NEMP1: variants seen among roughly 807,000 people sequenced by gnomAD.
NEMP1 encodes the protein nuclear envelope integral membrane protein 1, also known as transmembrane protein 194.
Under a neutral mutation model 53.7 loss-of-function variants are expected in NEMP1, and 29 were observed. That is an observed-to-expected ratio of 0.54 (90% CI 0.40 to 0.74). The LOEUF (loss-of-function observed/expected upper bound fraction) is 0.74, where lower values mean the gene tolerates loss of function less well. NEMP1 is among the 30% of genes least tolerant of loss of function. The probability of loss-of-function intolerance (pLI) is 0.00; values close to 1 mark genes in which losing one functional copy is unlikely to be tolerated. For missense variants in NEMP1, 477 were observed against 528.6 expected, an observed-to-expected ratio of 0.90 and a Z score of 0.96; for synonymous variants, 193 against 192.9, an observed-to-expected ratio of 1.00 and a Z score of 0.00.
rs748757696 is a variant in NEMP1, at chr12:57,064,095, T to A, written c.730A>T (p.Arg244Trp). 3.1e-6 allele frequency: 5 copies of A among 1,608,368 alleles called. No homozygotes were observed. The South Asian group carries it at 5.5e-5, about 18-fold the overall frequency. Residue 244 changes from arginine to tryptophan, a missense_variant, in exon 6 of 9, where the codon AGG becomes TGG. Transcript: ENST00000300128. ...CTTAAAAGATACTGCCAGTAACACC[T>A]CCAGATCTCTTGTAAATTTTTAAAA... Reference protein sequence around the residue: ...LVFKNLQEIWRCYWQYLLSYV... With the variant: ...LVFKNLQEIWWCYWQYLLSYV...
chr12:57,084,441 C>T (rs1158037590), intron 1 of NEMP1, among the ~76,000 whole-genome samples: 1 of 152,108 alleles, frequency 6.6e-6, no homozygotes, highest in Non-Finnish European at 1.5e-5. Flanking sequence ...TCCTCTCAAC[C>T]CCTCAGCCAA....
In NEMP1 at chr12:57,070,839, T is replaced by C. The variant is rs1435053073; in HGVS notation, c.307A>G (p.Lys103Glu). The C allele has an allele frequency of 1.9e-6, 3 of 1,614,134 alleles. No individual in the cohort carries two copies. The highest frequency in any genetic ancestry group is 2.5e-6 in the Non-Finnish European group (3 of 1,180,016). The change falls in exon 3 of 9, where the codon AAA (lysine) becomes GAA (glutamate). Residue 103 changes from lysine to glutamate, a missense_variant. Transcript: ENST00000300128. The stretch of plus-strand genomic sequence containing the variant: ...CTAAACTGCTCTAGCTCCTTCAGTT[T>C]CTCCTCATTCTCCACCTGGGTGACT... Reference protein sequence around the residue: ...VRVTQVENEEKLKELEQFSIW... With the variant: ...VRVTQVENEEELKELEQFSIW...
Position 57,064,071 on chromosome 12 carries a change from T to C in NEMP1, c.754A>G (p.Ser252Gly), listed in dbSNP as rs200826762. The change falls in exon 6 of 9, where the codon AGT (serine) becomes GGT (glycine). Residue 252 changes from serine (S) to glycine (G), a missense_variant and splice_region_variant. Physicochemically the swap from Ser to Gly is moderately conservative, Grantham distance 56. Coordinates refer to ENST00000300128, the MANE Select transcript of NEMP1 (RefSeq NM_001130963.2). ...GGAAAGCAAAACCGACAACACTTAC[T>C]TAAAAGATACTGCCAGTAACACCTC... ...IWRCYWQYLL[S>G]YVLTVGFMSF... 6.3e-7 allele frequency: 1 copy of C among 1,576,442 alleles called. No individual in the cohort carries two copies. The highest frequency in any genetic ancestry group is 8.7e-7 in the Non-Finnish European group (1 of 1,152,352).
chr12:57,076,875 G>C (rs1486539481), intron 1 of NEMP1, among the ~76,000 whole-genome samples: 1 of 142,232 alleles, frequency 7.0e-6, no homozygotes, highest in Non-Finnish European at 1.5e-5. Flanking sequence ...GCTGAGATGG[G>C]AGAATGGCTT....
At chr12:57,079,617 G>A (rs988677696), upstream of NEMP1, among the ~76,000 whole-genome samples, 2 of 152,286 alleles carry the variant, frequency 1.3e-5, no homozygotes, top group African/African-American at 4.8e-5. Flanking sequence ...AGATCCAGGT[G>A]TTCAGAAACT....
intron 3 of NEMP1, among the ~76,000 whole-genome samples, chr12:57,069,659 C>G (rs566202802): frequency 6.6e-6 from 1 of 152,068 alleles, no homozygotes; most frequent in Admixed American, 6.6e-5. Flanking sequence ...AAGTCACTCA[C>G]AGTCATGGAA....
Position 57,072,876 on chromosome 12 carries a change from G to T in NEMP1, c.164C>A (p.Ser55Tyr), listed in dbSNP as rs1293805725. Reference sequence around the variant, plus strand: ...GCTGGCACGCTTTTCACAAACTTGGGATTCCTGAAGCATGACCACATTTAC... The same window carrying T: ...GCTGGCACGCTTTTCACAAACTTGGTATTCCTGAAGCATGACCACATTTAC... Reference protein sequence around the residue: ...TDVNVVMLQESQVCEKRASQQ... With the variant: ...TDVNVVMLQEYQVCEKRASQQ... The change falls in exon 2 of 9, where the codon TCC becomes TAC. Residue 55 changes from serine (S) to tyrosine (Y), a missense_variant. Transcript: ENST00000300128. 1 of 1,613,446 alleles carries T rather than the reference G, an allele frequency of 6.2e-7. No individual in the cohort carries two copies. Among genetic ancestry groups the T allele is most frequent in the Non-Finnish European group, 8.5e-7 (1 of 1,179,784 alleles).
At chr12:57,061,053 A>G (rs969340370) in intron 7 of NEMP1, 108 bp from the exon 8 acceptor site, 3 of 1,123,064 alleles carry the variant, frequency 2.7e-6, no homozygotes, top group Non-Finnish European at 2.5e-6. Context: ...CCTGAACATT[A>G]AGAGTCATCA....
intron 1 of NEMP1, 114 bp downstream of exon 1, chr12:57,078,505 C>A (rs919151394): frequency 1.4e-6 from 2 of 1,398,558 alleles, no homozygotes; most frequent in Admixed American, 2.3e-5. Context: ...CGGCGGCCCT[C>A]GGTAGAGCCA....
At chr12:57,079,309 CAAT>C (rs140825511), upstream of NEMP1, among the ~76,000 whole-genome samples, 1,187 of 152,280 alleles carry the variant, frequency 7.8e-3, 9 homozygotes, top group Middle Eastern at 0.027. Flanking sequence ...AAGTGTGTGT[CAAT>C]ATTTTATAAG....
chr12:57,064,807 A>T, intron 4 of NEMP1, 68 bp from the exon 5 acceptor site: 1 of 1,151,360 alleles, frequency 8.7e-7, no homozygotes, highest in African/African-American at 1.6e-5. Context: ...TGAAACTAGG[A>T]CAACTAACCC....
chr12:57,064,061 C>T lies in NEMP1; in HGVS notation c.754+10G>A. 3.9e-6 allele frequency: 6 copies of T among 1,543,902 alleles called. No individual in the cohort carries two copies. The highest frequency in any genetic ancestry group is 5.3e-6 in the Non-Finnish European group (6 of 1,126,230). On this transcript the variant is annotated intron_variant, in intron 6 of 8. Transcript: ENST00000300128. ...ACGTACAAAAGGAAAGCAAAACCGA[C>T]AACACTTACTTAAAAGATACTGCCA...
intron 4 of NEMP1, among the ~76,000 whole-genome samples, chr12:57,068,710 C>T (rs1232393638): frequency 2.0e-5 from 3 of 152,074 alleles, no homozygotes; most frequent in African/African-American, 4.8e-5. Flanking sequence ...GGACTACAGG[C>T]GCCCGCCACC....
At chr12:57,079,512 T>G (rs980458628), upstream of NEMP1, among the ~76,000 whole-genome samples, 4 of 152,362 alleles carry the variant, frequency 2.6e-5, no homozygotes, top group Non-Finnish European at 5.9e-5. Context: ...TCATCTGGTC[T>G]GTGATCCCAA....
intron 4 of NEMP1, 97 bp from the exon 5 acceptor site, chr12:57,064,836 G>T: frequency 2.2e-6 from 2 of 907,834 alleles, no homozygotes; most frequent in Non-Finnish European, 3.4e-6. Flanking sequence ...GATTTTAAAA[G>T]GTACAAGATT....
In NEMP1 at chr12:57,060,904, A is replaced by G; in HGVS notation, c.1022T>C (p.Leu341Pro). The G allele has an allele frequency of 6.2e-7, 1 of 1,614,142 alleles. No homozygotes were observed. Among genetic ancestry groups the G allele is most frequent in the East Asian group, 2.2e-5 (1 of 44,886 alleles). ...KGAEKPVPPR[L>P]LTEEEYRIQG... ...TATCCGATATTCTTCTTCTGTCAGG[A>G]GACGAGGGGGAACAGGCTTTTCTGC... The change falls in exon 8 of 9, where the codon CTC becomes CCC. Residue 341 changes from leucine to proline, a missense_variant. Transcript: ENST00000300128.
chr12:57,081,848 A>G (rs890134779), upstream of NEMP1, among the ~76,000 whole-genome samples: 1 of 151,470 alleles, frequency 6.6e-6, no homozygotes, highest in African/African-American at 2.4e-5. Context: ...CGGAACTTGC[A>G]GTGAGCTGAG....
At chr12:57,084,227 G>A (rs896669977) in intron 1 of NEMP1, among the ~76,000 whole-genome samples, 2 of 152,170 alleles carry the variant, frequency 1.3e-5, no homozygotes, top group Non-Finnish European at 2.9e-5. Flanking sequence ...CTCCCAAAGT[G>A]CTGAGATTAA....
chr12:57,065,118 C>T lies in NEMP1; in HGVS notation c.546-379G>A, dbSNP rs528753679. Among the ~76,000 whole-genome samples the T allele has an allele frequency of 6.6e-5, 10 of 152,326 alleles. No individual in the cohort carries two copies. The South Asian group carries it at 2.1e-3, about 32-fold the overall frequency. On this transcript the variant is annotated intron_variant, in intron 4 of 8. Transcript: ENST00000300128. ...TTTTTTTTGCTGGTGGAGGGTCTCA[C>T]TTCCATGTTGATGGCTGTTGACTGA... is the stretch of plus-strand genomic sequence containing the variant.
Sources: allele counts gnomAD v4.1 joint callset (sites outside exome capture counted in the v4.1 genomes callset), GRCh38; gene constraint gnomAD v4.1.1; transcripts MANE v1.5; gene names NCBI Gene and HGNC (gene_info 2026-07-23, HGNC 2026-07-21).